The following SLC37A3 variants were observed in gnomAD, a reference collection of about 807,000 sequenced individuals.
SLC37A3 encodes the protein solute carrier family 37 member 3, also known as sugar phosphate exchanger 3.
SLC37A3 carries 51 observed loss-of-function variants against 67.1 expected under a neutral mutation model. The observed-to-expected ratio is 0.76, with a 90% CI of 0.61 to 0.96. SLC37A3 has a LOEUF of 0.96. Among genes scored for constraint, SLC37A3 ranks in the 40% least tolerant of loss-of-function variants. The probability of loss-of-function intolerance (pLI) is 0.00; values close to 1 mark genes in which losing one functional copy is unlikely to be tolerated. For missense variants in SLC37A3, 508 were observed against 603.0 expected (o/e 0.84, Z 1.65); for synonymous variants, 214 against 231.4 (o/e 0.92, Z 0.68).
chr7:140,393,073 C>T (rs1164405930), intron 1 of SLC37A3, among the ~76,000 whole-genome samples: 1 of 151,996 alleles, frequency 6.6e-6, no homozygotes, highest in Non-Finnish European at 1.5e-5. Context: ...GCCTGGGTGA[C>T]AGAGCAAGAC....
intron 13 of SLC37A3, among the ~76,000 whole-genome samples, chr7:140,340,380 T>C (rs1420673441): frequency 6.6e-6 from 1 of 152,012 alleles, no homozygotes; most frequent in African/African-American, 2.4e-5. Flanking sequence ...ATACTATTTA[T>C]TGAGAGACCA....
intron 7 of SLC37A3, among the ~76,000 whole-genome samples, chr7:140,354,929 G>A (rs1796960640): frequency 6.6e-6 from 1 of 151,720 alleles, no homozygotes; most frequent in Non-Finnish European, 1.5e-5. Flanking sequence ...TTTTTTTGTA[G>A]GTACAAGGTC....
At chr7:140,376,436 G>A (rs1473576554) in intron 3 of SLC37A3, among the ~76,000 whole-genome samples, 1 of 152,190 alleles carries the variant, frequency 6.6e-6, no homozygotes, top group East Asian at 1.9e-4. Context: ...TGGTCTGAGC[G>A]TACGTTTGAT....
intron 1 of SLC37A3, among the ~76,000 whole-genome samples, chr7:140,384,745 G>A (rs953545369): frequency 3.3e-5 from 5 of 150,304 alleles, no homozygotes; most frequent in Non-Finnish European, 5.9e-5. Flanking sequence ...AAAAAGTAAT[G>A]TAATTTATCC....
chr7:140,362,779 G>A (rs1181529591), intron 5 of SLC37A3, among the ~76,000 whole-genome samples: 2 of 92,060 alleles, frequency 2.2e-5, no homozygotes, highest in Non-Finnish European at 4.7e-5. Context: ...GGAGGTGGGG[G>A]GATCAGCCCC....
intron 3 of SLC37A3, 22 bp from the exon 4 acceptor site, chr7:140,369,704 A>G: frequency 1.2e-6 from 2 of 1,602,258 alleles, no homozygotes; most frequent in Non-Finnish European, 1.7e-6. Context: ...CAGCAGGAAC[A>G]GGTCAGTCCC....
intron 7 of SLC37A3, 84 bp downstream of exon 7, chr7:140,355,584 C>T: frequency 8.4e-7 from 1 of 1,192,796 alleles, no homozygotes; most frequent in African/African-American, 1.5e-5. Context: ...TAAATGGCCA[C>T]AGTATTATTT....
chr7:140,358,522 G>T, intron 6 of SLC37A3, 118 bp downstream of exon 6: 2 of 1,373,046 alleles, frequency 1.5e-6, no homozygotes, highest in Non-Finnish European at 2.0e-6. Flanking sequence ...ACTCTGACTT[G>T]CTAACGAAAG....
chr7:140,359,795 A>G (rs6953541), intron 5 of SLC37A3, among the ~76,000 whole-genome samples: 82,514 of 151,972 alleles, frequency 0.54, 22,529 homozygotes, highest in South Asian at 0.59. Flanking sequence ...AGGGGTTGCC[A>G]GGGGCTGGAG....
intron 4 of SLC37A3, among the ~76,000 whole-genome samples, chr7:140,369,145 C>T (rs1797721273): frequency 6.6e-6 from 1 of 152,192 alleles, no homozygotes; most frequent in African/African-American, 2.4e-5. Flanking sequence ...ACTCGCTCAC[C>T]TGCTCAGGTC....
In SLC37A3 at chr7:140,337,276, A is replaced by ACACT; in HGVS notation, c.1392+4_1392+7dup. 6.3e-7 allele frequency: 1 copy of ACACT among 1,584,520 alleles called. No individual in the cohort carries two copies. The highest frequency in any genetic ancestry group is 8.6e-7 in the Non-Finnish European group (1 of 1,168,242). On this transcript the variant is annotated splice_region_variant and intron_variant, in intron 14 of 14. Transcript: ENST00000326232. ...GACTTTTTTTTTTTTAAAGGGGCAC[A>ACACT]CACTTACCATGAGAATGAAAAAGTA... is the stretch of plus-strand genomic sequence containing the variant.
chr7:140,381,677 A>C (rs899836810), intron 2 of SLC37A3, among the ~76,000 whole-genome samples: 1 of 152,158 alleles, frequency 6.6e-6, no homozygotes, highest in African/African-American at 2.4e-5. Flanking sequence ...TATGTTACTA[A>C]GAGAACCACT....
chr7:140,339,429 T>C (rs1298522820), intron 13 of SLC37A3, among the ~76,000 whole-genome samples: 1 of 151,380 alleles, frequency 6.6e-6, no homozygotes, highest in Non-Finnish European at 1.5e-5. Flanking sequence ...TCCAGCTAAT[T>C]TTCGTATTTT....
intron 5 of SLC37A3, among the ~76,000 whole-genome samples, chr7:140,361,204 C>CACACCTCTATCCTGT (rs376620665): frequency 6.6e-6 from 1 of 150,874 alleles, no homozygotes. Flanking sequence ...AGGATAGGGC[C>CACACCTCTATCCTGT]AGGTGCGGTG....
chr7:140,377,419 C>G (rs147291856), intron 3 of SLC37A3, among the ~76,000 whole-genome samples: 89 of 152,196 alleles, frequency 5.8e-4, no homozygotes, highest in African/African-American at 2.1e-3. Flanking sequence ...GATTCTCTAG[C>G]ACTATTCTCA....
In SLC37A3 at chr7:140,340,931, C is replaced by CA. The variant is rs35222116; in HGVS notation, c.1326+2480dup. Among the ~76,000 whole-genome samples, 330 of 145,544 alleles carry CA rather than the reference C, an allele frequency of 2.3e-3. 2 individuals carry two copies. The highest frequency in any genetic ancestry group is 0.012 in the South Asian group (53 of 4,546). On this transcript the variant is annotated intron_variant, in intron 13 of 14. Transcript: ENST00000326232. ...TGGGCATAAGAGCCAGATGCTGTCTCAAAAAAAAAAAATAGAGAGAGAGAG... is the reference window on the plus strand; with the variant it reads ...TGGGCATAAGAGCCAGATGCTGTCTCAAAAAAAAAAAAATAGAGAGAGAGAG...
chr7:140,377,848 T>C (rs1414089328), intron 3 of SLC37A3, among the ~76,000 whole-genome samples: 3 of 152,052 alleles, frequency 2.0e-5, no homozygotes, highest in Admixed American at 1.3e-4. Flanking sequence ...CTGGGCAACA[T>C]AGCAAGAGCC....
At chr7:140,384,173 ATT>A (rs2129843076) in intron 1 of SLC37A3, among the ~76,000 whole-genome samples, 1 of 152,318 alleles carries the variant, frequency 6.6e-6, no homozygotes, top group African/African-American at 2.4e-5. Flanking sequence ...ATTTATAATC[ATT>A]TGTCACGAAG....
intron 1 of SLC37A3, among the ~76,000 whole-genome samples, chr7:140,384,555 TAA>T (rs202061188): frequency 1.4e-5 from 2 of 141,398 alleles, no homozygotes; most frequent in Non-Finnish European, 1.6e-5. Flanking sequence ...CTACAAAAAC[TAA>T]AAAAAAAAAA....
Sources: allele counts gnomAD v4.1 joint callset (sites outside exome capture counted in the v4.1 genomes callset), GRCh38; gene constraint gnomAD v4.1.1; transcripts MANE v1.5; gene names NCBI Gene and HGNC (gene_info 2026-07-23, HGNC 2026-07-21).